Variants in TUSC3 observed in about 807,000 individuals in gnomAD.
The protein encoded by TUSC3 is tumor suppressor candidate 3.
TUSC3 carries 45 observed loss-of-function variants against 44.8 expected under a neutral mutation model. The observed-to-expected ratio is 1.00, with a 90% CI of 0.79 to 1.29. TUSC3 has a LOEUF of 1.29. Ranked by LOEUF, TUSC3 falls within the 50% of genes most tolerant of loss-of-function variation. The pLI, the probability that TUSC3 is intolerant of heterozygous loss-of-function variation, is 0.00. For missense variants in TUSC3, 519 were observed against 437.9 expected, an observed-to-expected ratio of 1.19 and a Z score of -1.65; for synonymous variants, 212 against 152.9, an observed-to-expected ratio of 1.39 and a Z score of -2.85.
At chr8:15,657,053 C>G (rs907397591) in intron 3 of TUSC3, among the ~76,000 whole-genome samples, 7 of 152,170 alleles carry the variant, frequency 4.6e-5, no homozygotes, top group African/African-American at 1.4e-4. Flanking sequence ...ATAGATACCC[C>G]AGGTTTTCCC....
intron 9 of TUSC3, 197 bp downstream of exon 9, chr8:15,748,662 C>A (rs1431956369): frequency 5.5e-6 from 4 of 730,148 alleles, no homozygotes; most frequent in African/African-American, 5.1e-5. Context: ...GTTCTTGTTC[C>A]CTGACAGCAT....
At chr8:15,474,348 G>T (rs962089107) in intron 1 of TUSC3, among the ~76,000 whole-genome samples, 2 of 152,154 alleles carry the variant, frequency 1.3e-5, no homozygotes, top group African/African-American at 4.8e-5. Flanking sequence ...TACATCCTCA[G>T]CTTACAAAGA....
chr8:15,531,634 C>A (rs1309426818), intron 2 of TUSC3, among the ~76,000 whole-genome samples: 1 of 152,178 alleles, frequency 6.6e-6, no homozygotes, highest in Non-Finnish European at 1.5e-5. Context: ...AGTTGAATGC[C>A]CCTCATCCTT....
intron 6 of TUSC3, among the ~76,000 whole-genome samples, chr8:15,720,235 G>GAC (rs1388010977): frequency 7.1e-6 from 1 of 141,802 alleles, no homozygotes; most frequent in African/African-American, 2.6e-5. Flanking sequence ...CACACACACA[G>GAC]AGAGAACATT....
At chr8:15,758,034 A>G (rs1032998958) in intron 10 of TUSC3, 179 bp downstream of exon 10, 21 of 1,400,704 alleles carry the variant, frequency 1.5e-5, no homozygotes, top group Middle Eastern at 2.6e-4. Context: ...CCACAGGGAG[A>G]AGTCCTCAGA....
intron 2 of TUSC3, among the ~76,000 whole-genome samples, chr8:15,530,271 A>T (rs1372686859): frequency 6.6e-6 from 1 of 152,102 alleles, no homozygotes; most frequent in African/African-American, 2.4e-5. Flanking sequence ...GCATTTTCTC[A>T]GATGAGGACT....
intron 1 of TUSC3, among the ~76,000 whole-genome samples, chr8:15,554,600 A>T (rs1206957384): frequency 8.1e-5 from 9 of 111,636 alleles, no homozygotes; most frequent in African/African-American, 9.9e-5. Context: ...TTTTACTATA[A>T]TTTTTTTTTT....
chr8:15,730,163 C>A (rs1412128475), intron 6 of TUSC3, among the ~76,000 whole-genome samples: 2 of 151,962 alleles, frequency 1.3e-5, no homozygotes, highest in African/African-American at 4.8e-5. Context: ...ATATACTACT[C>A]AGTAGGGTGA....
the TUSC3 span, among the ~76,000 whole-genome samples, chr8:15,814,924 C>T: frequency 0.012 from 1,785 of 151,908 alleles, 48 homozygotes; most frequent in African/African-American, 0.041. Context: ...TTGCTGAGTA[C>T]GGGAGAAATA....
At chr8:15,437,634 A>G (rs1435297774) in intron 1 of TUSC3, among the ~76,000 whole-genome samples, 1 of 152,230 alleles carries the variant, frequency 6.6e-6, no homozygotes, top group Non-Finnish European at 1.5e-5. Context: ...TGCCTAAGTT[A>G]TAAAAAGGTA....
At chr8:15,424,452 C>T (rs1468607912) in intron 1 of TUSC3, among the ~76,000 whole-genome samples, 1 of 152,112 alleles carries the variant, frequency 6.6e-6, no homozygotes, top group Non-Finnish European at 1.5e-5. Flanking sequence ...TGACTAATAA[C>T]TCACAAAACT....
At chr8:15,707,676 G>T (rs1809673827) in intron 6 of TUSC3, among the ~76,000 whole-genome samples, 1 of 151,940 alleles carries the variant, frequency 6.6e-6, no homozygotes, top group Non-Finnish European at 1.5e-5. Context: ...TGTGGAATGG[G>T]AAATGGAAAA....
chr8:15,610,150 G>A (rs958807721), intron 1 of TUSC3, among the ~76,000 whole-genome samples: 14 of 151,976 alleles, frequency 9.2e-5, no homozygotes, highest in Non-Finnish European at 1.6e-4. Context: ...ATTTTGTATC[G>A]TTGTTTTTAT....
At chr8:15,580,810 C>G (rs1803295234) in intron 1 of TUSC3, among the ~76,000 whole-genome samples, 1 of 141,210 alleles carries the variant, frequency 7.1e-6, no homozygotes, top group Non-Finnish European at 1.5e-5. Context: ...AGTTGCTCTT[C>G]TCGAGGAGTA....
At position 15,553,518 on chromosome 8, in the gene TUSC3, C is replaced by G. The variant is rs151079357; in HGVS notation, c.138+12950C>G. 2.3e-3 allele frequency among the ~76,000 whole-genome samples: 232 copies of G among 101,140 alleles called. 8 individuals carry two copies. The highest frequency in any genetic ancestry group is 4.9e-3 in the Admixed American group (50 of 10,170). The allele number at this position is 101,140 out of a possible 152,430, so 66.4% of individuals were successfully genotyped here. A position where few individuals can be genotyped will look rare whatever the true frequency, so the allele number is the denominator to read the frequency against. ...TGGAGGAGCTTACAAGGAAACACAG[C>G]AGAATTTTGGATGTCACAGGAGGAG... is the stretch of plus-strand genomic sequence containing the variant. On this transcript the variant is annotated intron_variant, in intron 1 of 10. Coordinates refer to ENST00000503731, the MANE Select transcript of TUSC3 (RefSeq NM_006765.4).
chr8:15,626,542 C>T (rs1297558060), intron 2 of TUSC3, among the ~76,000 whole-genome samples: 2 of 152,340 alleles, frequency 1.3e-5, no homozygotes, highest in East Asian at 3.9e-4. Context: ...ACCTTGCCCT[C>T]CTGGGCGCAG....
At chr8:15,483,025 CTAAAAGCCAACTTTAATA>C (rs1315161405) in intron 1 of TUSC3, among the ~76,000 whole-genome samples, 4 of 152,098 alleles carry the variant, frequency 2.6e-5, no homozygotes, top group Non-Finnish European at 5.9e-5. Flanking sequence ...CAGTCACAGA[CTAAAAGCCAACTTTAATA>C]TTTGCAGAAC....
intron 6 of TUSC3, among the ~76,000 whole-genome samples, chr8:15,696,601 G>T (rs776621295): frequency 6.6e-5 from 10 of 152,152 alleles, no homozygotes; most frequent in Non-Finnish European, 1.2e-4. Flanking sequence ...AGCTTACACT[G>T]TGTGCCTGGA....
At chr8:15,740,034 C>T (rs748947756) in intron 7 of TUSC3, among the ~76,000 whole-genome samples, 4 of 151,892 alleles carry the variant, frequency 2.6e-5, no homozygotes, top group Admixed American at 6.6e-5. Flanking sequence ...GGAACAAAGA[C>T]AATAAGTACA....
Sources: allele counts gnomAD v4.1 joint callset (sites outside exome capture counted in the v4.1 genomes callset), GRCh38; gene constraint gnomAD v4.1.1; transcripts MANE v1.5; gene names NCBI Gene and HGNC (gene_info 2026-07-23, HGNC 2026-07-21).